The following ZNF699 variants were observed in gnomAD, a reference collection of about 807,000 sequenced individuals.
ZNF699 encodes the protein hangover homolog.
In ZNF699, 18 loss-of-function variants were observed where a neutral mutation model predicts 22.5. The ratio of observed to expected loss-of-function variants is 0.80; its 90% confidence interval spans 0.55 to 1.19. The LOEUF is 1.19. Ranked by LOEUF, ZNF699 falls within the 50% of genes most tolerant of loss-of-function variation. The pLI, the probability that ZNF699 is intolerant of heterozygous loss-of-function variation, is 0.00. For synonymous variants in ZNF699, 241 were observed against 262.3 expected (o/e 0.92, Z 0.78); for missense variants, 670 against 763.4 (o/e 0.88, Z 1.44).
chr19:9,300,451 A>G (rs950624928), intron 3 of ZNF699, among the ~76,000 whole-genome samples: 3 of 152,160 alleles, frequency 2.0e-5, no homozygotes, highest in African/African-American at 7.2e-5. Flanking sequence ...CTTTTACCCA[A>G]AGGAGTTGAA....
Position 9,295,919 on chromosome 19 carries a change from T to A in ZNF699, c.1485A>T (p.Arg495Ser), listed in dbSNP as rs1379742370. The A allele has an allele frequency of 6.2e-7, 1 of 1,614,060 alleles. No individual in the cohort carries two copies. The stretch of plus-strand genomic sequence containing the variant: ...CATACGGCTTCTCTCCGCTGTGAGT[T>A]CTTAGGTGTTCGGTGAGGGATGAGG... Reference protein sequence around the residue: ...SRSSSLTEHLRTHSGEKPYEC... With the variant: ...SRSSSLTEHLSTHSGEKPYEC... Residue 495 changes from arginine (R) to serine (S), a missense_variant, in exon 6 of 6, where the codon AGA (arginine) becomes AGT (serine). Coordinates refer to ENST00000591998, the MANE Select transcript of ZNF699 (RefSeq NM_198535.3).
chr19:9,297,828 T>C lies in ZNF699; in HGVS notation c.286+52A>G. On this transcript the variant is annotated intron_variant, in intron 4 of 5. Transcript: ENST00000591998. This position sits in a 1 kb window ranked among gnomAD's most constrained non-coding sequence, Gnocchi z 4.3. ...AACAAAGTTTGTTTTTGTTTTTTACTTTAAGTTTATTTTTTCCCCCAACCA... is the reference window on the plus strand; with the variant it reads ...AACAAAGTTTGTTTTTGTTTTTTACCTTAAGTTTATTTTTTCCCCCAACCA... The C allele has an allele frequency of 7.0e-7, 1 of 1,430,524 alleles. No individual in the cohort carries two copies. The highest frequency in any genetic ancestry group is 1.2e-5 in the South Asian group (1 of 86,184). 88.6% of individuals were successfully genotyped at this position (1,430,524 alleles called of 1,614,324 possible). A position where few individuals can be genotyped will look rare whatever the true frequency, so the allele number is the denominator to read the frequency against.
Position 9,293,140 on chromosome 19 carries a change from A to C in ZNF699, c.*2335T>G, listed in dbSNP as rs945465811. Among the ~76,000 whole-genome samples the C allele has an allele frequency of 6.6e-6, 1 of 151,916 alleles. No individual in the cohort carries two copies. Among genetic ancestry groups the C allele is most frequent in the Non-Finnish European group, 1.5e-5 (1 of 67,986 alleles). ...CAAGAGTCCGTCTCAAAAAAAAAAA[A>C]AAAGAAAAGAAATCATAAATGGATG... On this transcript the variant is annotated 3_prime_UTR_variant, in exon 6 of 6. Coordinates refer to ENST00000591998, the MANE Select transcript of ZNF699 (RefSeq NM_198535.3).
intron 1 of ZNF699, among the ~76,000 whole-genome samples, chr19:9,309,136 C>CT (rs61471638): frequency 0.01 from 1,058 of 104,814 alleles, 10 homozygotes; most frequent in African/African-American, 0.017. Context: ...TTTTATTTTA[C>CT]TTTTTTTTTT....
At chr19:9,299,116 T>C (rs189047715) in intron 3 of ZNF699, among the ~76,000 whole-genome samples, 1 of 152,308 alleles carries the variant, frequency 6.6e-6, no homozygotes, top group Admixed American at 6.5e-5. Flanking sequence ...TGACCTTCTG[T>C]TTGGCAATGA....
Position 9,304,690 on chromosome 19 carries a change from C to G in ZNF699, c.48+382G>C, listed in dbSNP as rs529889495. On this transcript the variant is annotated intron_variant, in intron 2 of 5. Transcript: ENST00000591998. Reference sequence around the variant, plus strand: ...CCTGTAATCCCAGCACTTTGGGAGGCCAAGGCGGACAGATCACGAGGTCAG... The same window carrying G: ...CCTGTAATCCCAGCACTTTGGGAGGGCAAGGCGGACAGATCACGAGGTCAG... Among the ~76,000 whole-genome samples the G allele has an allele frequency of 3.3e-5, 5 of 152,286 alleles. No homozygotes were observed. In the South Asian group the frequency reaches 1.0e-3, roughly 32 times the overall value.
chr19:9,299,204 A>G (rs933927077), intron 3 of ZNF699, among the ~76,000 whole-genome samples: 4 of 152,100 alleles, frequency 2.6e-5, no homozygotes, highest in African/African-American at 9.7e-5. Context: ...CCACAATCTC[A>G]GCTCACTGCA....
intron 1 of ZNF699, among the ~76,000 whole-genome samples, chr19:9,309,136 C>CTTTTTTTTTTTT (rs61471638): frequency 1.9e-5 from 2 of 104,828 alleles, no homozygotes; most frequent in African/African-American, 3.6e-5. Context: ...TTTTATTTTA[C>CTTTTTTTTTTTT]TTTTTTTTTT....
At chr19:9,307,817 A>T (rs1014019065) in intron 1 of ZNF699, among the ~76,000 whole-genome samples, 1 of 152,060 alleles carries the variant, frequency 6.6e-6, no homozygotes, top group Non-Finnish European at 1.5e-5. Context: ...GCATGGTGGC[A>T]GGTGCCTGTA....
intron 3 of ZNF699, among the ~76,000 whole-genome samples, chr19:9,301,433 A>G (rs1253476576): frequency 6.6e-6 from 1 of 152,164 alleles, no homozygotes; most frequent in Non-Finnish European, 1.5e-5. Flanking sequence ...CAGAGAGAAC[A>G]TGGCCCTGCT....
intron 2 of ZNF699, among the ~76,000 whole-genome samples, chr19:9,303,117 T>C (rs2066314201): frequency 6.6e-6 from 1 of 152,186 alleles, no homozygotes; most frequent in Non-Finnish European, 1.5e-5. Context: ...ACATAGTCAC[T>C]CAATACTGTA....
Position 9,297,159 on chromosome 19 carries a change from T to TG in ZNF699, c.470+136_470+137insC. ...ATCCCGGTCTCATTTGTGGAAAAAA[T>TG]TAACTCATGAAAATTCTTTCTCAAA... On this transcript the variant is annotated intron_variant, in intron 5 of 5. Transcript: ENST00000591998. The surrounding 1 kb of genome is among the most constrained non-coding windows in gnomAD (Gnocchi z 4.3). The TG allele has an allele frequency of 1.0e-6, 1 of 969,548 alleles. No individual in the cohort carries two copies. The highest frequency in any genetic ancestry group is 1.5e-6 in the Non-Finnish European group (1 of 679,340). The allele number at this position is 969,548 out of a possible 1,614,324, so 60.1% of individuals were successfully genotyped here.
In ZNF699 at chr19:9,295,332, GT is replaced by G; in HGVS notation, c.*142del. 9.5e-7 allele frequency: 1 copy of G among 1,055,586 alleles called. No individual in the cohort carries two copies. The highest frequency in any genetic ancestry group is 1.4e-6 in the Non-Finnish European group (1 of 734,314). 65.4% of individuals were successfully genotyped at this position (1,055,586 alleles called of 1,614,324 possible). On this transcript the variant is annotated 3_prime_UTR_variant, in exon 6 of 6. Transcript: ENST00000591998. ...TTAGCACATGACTTACATACACAGG[GT>G]TTCTCTAAAGTGTCCTCAAATCTTC...
Position 9,297,353 on chromosome 19 carries a change from T to G in ZNF699, c.413A>C (p.Glu138Ala). 6.2e-7 allele frequency: 1 copy of G among 1,603,136 alleles called. No individual in the cohort carries two copies. Among genetic ancestry groups the G allele is most frequent in the Non-Finnish European group, 8.5e-7 (1 of 1,178,188 alleles). The part of the protein sequence containing the change: ...RNDSWFSSLH[E>A]NQESCGIDYQ... The stretch of plus-strand genomic sequence containing the variant: ...ATCAATACCACAGGACTCCTGGTTT[T>G]CATGTAAACTGGAGAACCAGGAATC... Residue 138 changes from glutamate to alanine, a missense_variant, in exon 5 of 6, where the codon GAA (glutamate) becomes GCA (alanine). By Grantham distance (107) the Glu-to-Ala change is moderately radical (BLOSUM62 -1). Coordinates refer to ENST00000591998, the MANE Select transcript of ZNF699 (RefSeq NM_198535.3). This position sits in a 1 kb window ranked among gnomAD's most constrained non-coding sequence, Gnocchi z 4.3.
At position 9,292,624 on chromosome 19, in the gene ZNF699, C is replaced by T. The variant is rs2066269130; in HGVS notation, c.*2851G>A. Among the ~76,000 whole-genome samples, 2 of 151,880 alleles carry T rather than the reference C, an allele frequency of 1.3e-5. No homozygotes were observed. The highest frequency in any genetic ancestry group is 4.8e-5 in the African/African-American group (2 of 41,320). ...CTTTTTAGTAATAAATTATTTAAAC[C>T]AACAAATTCCCTTTAAAGAGTGAAA... is the stretch of plus-strand genomic sequence containing the variant. On this transcript the variant is annotated 3_prime_UTR_variant, in exon 6 of 6. Coordinates refer to ENST00000591998, the MANE Select transcript of ZNF699 (RefSeq NM_198535.3).
rs1338981750 is a variant in ZNF699 at position 9,291,325 on chromosome 19, A to G, written c.*4150T>C. Reference sequence around the variant, plus strand: ...AAAATTAATTTAGGAAACATGGGGAACAGAGAAGGCAAGACAATCTTAAAG... The same window carrying G: ...AAAATTAATTTAGGAAACATGGGGAGCAGAGAAGGCAAGACAATCTTAAAG... On this transcript the variant is annotated 3_prime_UTR_variant, in exon 6 of 6. Coordinates refer to ENST00000591998, the MANE Select transcript of ZNF699 (RefSeq NM_198535.3). 6.6e-6 allele frequency among the ~76,000 whole-genome samples: 1 copy of G among 152,226 alleles called. No homozygotes were observed. Among genetic ancestry groups the G allele is most frequent in the African/African-American group, 2.4e-5 (1 of 41,466 alleles).
chr19:9,299,969 T>C (rs2066301421), intron 3 of ZNF699, among the ~76,000 whole-genome samples: 1 of 151,752 alleles, frequency 6.6e-6, no homozygotes, highest in Non-Finnish European at 1.5e-5. Flanking sequence ...CTCAACATCA[T>C]AAGTCATCAG....
intron 3 of ZNF699, among the ~76,000 whole-genome samples, chr19:9,301,018 T>TTAGA (rs1460409653): frequency 6.6e-6 from 1 of 152,140 alleles, no homozygotes; most frequent in Non-Finnish European, 1.5e-5. Flanking sequence ...GATGTTGTTA[T>TTAGA]TAGAGGAGGC....
intron 3 of ZNF699, among the ~76,000 whole-genome samples, chr19:9,299,050 T>C (rs1054538065): frequency 6.6e-6 from 1 of 152,236 alleles, no homozygotes; most frequent in Non-Finnish European, 1.5e-5. Flanking sequence ...TCACAGACCT[T>C]ACTGTAAAAT....
Sources: allele counts gnomAD v4.1 joint callset (sites outside exome capture counted in the v4.1 genomes callset), GRCh38; gene constraint gnomAD v4.1.1; non-coding constraint Gnocchi (gnomAD v3.1); transcripts MANE v1.5; gene names NCBI Gene and HGNC (gene_info 2026-07-23, HGNC 2026-07-21).